The following CRTAP variants were observed in gnomAD, a reference collection of about 807,000 sequenced individuals.
The protein encoded by CRTAP is cartilage associated protein, also known as cartilage-associated protein.
In CRTAP, 33 loss-of-function variants were observed where a neutral mutation model predicts 42.7. The ratio of observed to expected loss-of-function variants is 0.77; its 90% confidence interval spans 0.59 to 1.03. The LOEUF (loss-of-function observed/expected upper bound fraction) is 1.03, where lower values mean the gene tolerates loss of function less well. Ranked by LOEUF, CRTAP falls within the 50% of genes least tolerant of loss-of-function variation. The pLI is 0.00. For missense variants in CRTAP, 613 were observed against 533.9 expected, an observed-to-expected ratio of 1.15 and a Z score of -1.46; for synonymous variants, 243 against 217.7, an observed-to-expected ratio of 1.12 and a Z score of -1.02.
At chr3:33,136,086 C>G (rs1323837505) in intron 6 of CRTAP, among the ~76,000 whole-genome samples, 1 of 152,194 alleles carries the variant, frequency 6.6e-6, no homozygotes, top group Non-Finnish European at 1.5e-5. Flanking sequence ...CTGGAAGACT[C>G]TAATCTACTT....
chr3:33,120,016 G>A (rs1213679272), intron 1 of CRTAP, among the ~76,000 whole-genome samples: 1 of 152,164 alleles, frequency 6.6e-6, no homozygotes, highest in African/African-American at 2.4e-5. Flanking sequence ...CATCTACTGG[G>A]GCTCCTCATG....
chr3:33,136,166 T>A (rs1015413921), intron 6 of CRTAP, among the ~76,000 whole-genome samples: 24 of 152,218 alleles, frequency 1.6e-4, no homozygotes, highest in African/African-American at 4.6e-4. Flanking sequence ...TGGTCTTTTG[T>A]GACTGGCTTC....
chr3:33,136,460 G>A (rs2030420972), intron 6 of CRTAP, among the ~76,000 whole-genome samples: 1 of 152,192 alleles, frequency 6.6e-6, no homozygotes. Context: ...TCACTGTAAA[G>A]AAATACCTGG....
chr3:33,121,223 A>C (rs1559433131), intron 2 of CRTAP, among the ~76,000 whole-genome samples: 1 of 152,154 alleles, frequency 6.6e-6, no homozygotes, highest in Admixed American at 6.5e-5. Flanking sequence ...AGCCTGGCCA[A>C]TATGGTGAAA....
intron 6 of CRTAP, among the ~76,000 whole-genome samples, chr3:33,139,757 C>T (rs988519330): frequency 1.3e-5 from 2 of 152,128 alleles, no homozygotes; most frequent in Non-Finnish European, 2.9e-5. Flanking sequence ...GGATTACAGG[C>T]GTGAGCCACC....
chr3:33,118,861 C>T (rs1169579240), intron 1 of CRTAP, among the ~76,000 whole-genome samples: 2 of 152,222 alleles, frequency 1.3e-5, no homozygotes, highest in Non-Finnish European at 2.9e-5. Context: ...TTCCTGAGGA[C>T]TTCTGCCGTC....
chr3:33,114,045 T>C lies in CRTAP; in HGVS notation c.-33T>C. ...CTTCTCCCTCCCCTTTTCCCTTCCTTCGTCCCTTCCTTCCTTCCTTTCGCC... is the reference window on the plus strand; with the variant it reads ...CTTCTCCCTCCCCTTTTCCCTTCCTCCGTCCCTTCCTTCCTTCCTTTCGCC... On this transcript the variant is annotated 5_prime_UTR_variant, in exon 1 of 7. Coordinates refer to ENST00000320954, the MANE Select transcript of CRTAP (RefSeq NM_006371.5). 7.0e-7 allele frequency: 1 copy of C among 1,422,608 alleles called. No individual in the cohort carries two copies. The allele number at this position is 1,422,608 out of a possible 1,614,324, so 88.1% of individuals were successfully genotyped here. A position where few individuals can be genotyped will look rare whatever the true frequency, so the allele number is the denominator to read the frequency against.
At chr3:33,128,994 C>T (rs1228689180) in intron 3 of CRTAP, among the ~76,000 whole-genome samples, 1 of 152,204 alleles carries the variant, frequency 6.6e-6, no homozygotes, top group African/African-American at 2.4e-5. Flanking sequence ...TTAGGTTCAC[C>T]TTACTCTCTT....
chr3:33,134,516 C>T (rs1442030279), intron 6 of CRTAP, among the ~76,000 whole-genome samples: 1 of 152,190 alleles, frequency 6.6e-6, no homozygotes, highest in Non-Finnish European at 1.5e-5. Context: ...TCCAGGAATT[C>T]ACAGTGGTCA....
intron 1 of CRTAP, among the ~76,000 whole-genome samples, chr3:33,116,727 C>T (rs1020339041): frequency 1.4e-4 from 21 of 152,096 alleles, no homozygotes; most frequent in African/African-American, 2.9e-4. Context: ...TATTAATAAA[C>T]GTGAATGTTA....
chr3:33,138,083 G>A (rs1480821053), intron 6 of CRTAP, among the ~76,000 whole-genome samples: 4 of 151,712 alleles, frequency 2.6e-5, no homozygotes, highest in Admixed American at 2.6e-4. Flanking sequence ...GTACTACACT[G>A]TCTTCATTAA....
In CRTAP at chr3:33,124,591, G is replaced by C. The variant is rs773808673; in HGVS notation, c.793+12G>C. The C allele has an allele frequency of 6.2e-6, 10 of 1,614,126 alleles. No individual in the cohort carries two copies. Among genetic ancestry groups the C allele is most frequent in the Non-Finnish European group, 8.5e-6 (10 of 1,179,978 alleles). On this transcript the variant is annotated intron_variant, in intron 3 of 6. Transcript: ENST00000320954. ...CCTTTCCATAGCAGGTTGGTGGTAG[G>C]TCAATAGGCTCACTACTCCCATGGA... is the stretch of plus-strand genomic sequence containing the variant.
rs1293503941 is a variant in CRTAP, at chr3:33,146,744, A to G, written c.*4296A>G. 2.0e-5 allele frequency: 3 copies of G among 152,210 alleles called. No homozygotes were observed. Among genetic ancestry groups the G allele is most frequent in the Non-Finnish European group, 4.4e-5 (3 of 68,032 alleles). The allele number at this position is 152,210 out of a possible 1,614,324, so 9.4% of individuals were successfully genotyped here. ...AAATTTTATTGAACCCACCTTAGTG[A>G]CAAACAGAAAATGATTTGTTAGATT... On this transcript the variant is annotated 3_prime_UTR_variant, in exon 7 of 7. Transcript: ENST00000320954.
chr3:33,121,927 C>T (rs1240897916), intron 2 of CRTAP, among the ~76,000 whole-genome samples: 2 of 152,138 alleles, frequency 1.3e-5, no homozygotes, highest in Admixed American at 1.3e-4. Context: ...CATGCCTTAC[C>T]CCAGCCTCCC....
At chr3:33,115,080 A>T (rs565176135) in intron 1 of CRTAP, among the ~76,000 whole-genome samples, 1 of 152,090 alleles carries the variant, frequency 6.6e-6, no homozygotes, top group East Asian at 1.9e-4. Flanking sequence ...AGTAGCTGGG[A>T]TTATAGGCGC....
In CRTAP at chr3:33,144,044, C is replaced by G. The variant is rs2030653657; in HGVS notation, c.*1596C>G. ...ATTCTAGCTGCCATATTGTGAAAAA[C>G]TTTAGTGGACAAGGGCAGAAGGAAG... On this transcript the variant is annotated 3_prime_UTR_variant, in exon 7 of 7. Transcript: ENST00000320954. The G allele has an allele frequency of 6.6e-6, 1 of 152,244 alleles. No homozygotes were observed. Among genetic ancestry groups the G allele is most frequent in the Non-Finnish European group, 1.5e-5 (1 of 68,084 alleles). 9.4% of individuals were successfully genotyped at this position (152,244 alleles called of 1,614,324 possible).
chr3:33,121,938 G>A (rs1008901153), intron 2 of CRTAP, among the ~76,000 whole-genome samples: 8 of 152,210 alleles, frequency 5.3e-5, no homozygotes, highest in Admixed American at 1.3e-4. Flanking sequence ...CCAGCCTCCC[G>A]TGGTCCCTCA....
intron 6 of CRTAP, among the ~76,000 whole-genome samples, chr3:33,140,958 G>A (rs868780470): frequency 4.6e-5 from 7 of 152,242 alleles, no homozygotes; most frequent in African/African-American, 9.6e-5. Flanking sequence ...TTCGTTCTTC[G>A]TTGCCAGGAA....
At chr3:33,124,197 A>G (rs2029986716) in intron 2 of CRTAP, among the ~76,000 whole-genome samples, 1 of 152,220 alleles carries the variant, frequency 6.6e-6, no homozygotes, top group South Asian at 2.1e-4. Flanking sequence ...TACTTTTTGA[A>G]TTGAACTAAA....
Sources: allele counts gnomAD v4.1 joint callset (sites outside exome capture counted in the v4.1 genomes callset), GRCh38; gene constraint gnomAD v4.1.1; transcripts MANE v1.5; gene names NCBI Gene and HGNC (gene_info 2026-07-23, HGNC 2026-07-21).